The following HSPA2 variants were observed in gnomAD, a reference collection of about 807,000 sequenced individuals.
HSPA2 encodes the protein heat shock protein family A (Hsp70) member 2, also known as heat shock-related 70 kDa protein 2.
A neutral mutation model predicts 35.0 loss-of-function variants in HSPA2; 13 were observed. The ratio of observed to expected loss-of-function variants is 0.37; its 90% CI spans 0.24 to 0.59. The LOEUF (loss-of-function observed/expected upper bound fraction) is 0.59, where lower values mean the gene tolerates loss of function less well. Among genes scored for constraint, HSPA2 ranks in the 20% least tolerant of loss-of-function variants. The probability of loss-of-function intolerance (pLI) is 0.70; values close to 1 mark genes in which losing one functional copy is unlikely to be tolerated. For missense variants in HSPA2, 565 were observed against 885.4 expected (o/e 0.64, Z 4.59); for synonymous variants, 368 against 382.1 (o/e 0.96, Z 0.43).
At chr14:64,538,336 G>A (rs2079995171), upstream of HSPA2, among the ~76,000 whole-genome samples, 1 of 152,178 alleles carries the variant, frequency 6.6e-6, no homozygotes, top group African/African-American at 2.4e-5. Flanking sequence ...TTAAAGGACG[G>A]TGCTCCCAGC....
chr14:64,539,350 G>A (rs1343784680), upstream of HSPA2, among the ~76,000 whole-genome samples: 1 of 152,174 alleles, frequency 6.6e-6, no homozygotes, highest in Non-Finnish European at 1.5e-5. Flanking sequence ...GTGCCAGGGT[G>A]ACCGAGACTG....
At chr14:64,537,254 A>AAAAG (rs906716871), upstream of HSPA2, among the ~76,000 whole-genome samples, 3 of 152,138 alleles carry the variant, frequency 2.0e-5, no homozygotes, top group Admixed American at 6.6e-5. Flanking sequence ...CAAAGAAAAG[A>AAAAG]AAAGAAAGAA....
rs1269949998 is a variant in HSPA2, at chr14:64,542,098, A to C, written c.1249A>C (p.Ile417Leu). The C allele has an allele frequency of 1.9e-6, 3 of 1,613,608 alleles. No homozygotes were observed. The highest frequency in any genetic ancestry group is 2.5e-6 in the Non-Finnish European group (3 of 1,180,014). Reference sequence around the variant, plus strand: ...AGCTGGCGGTGTCATGACCCCACTCATCAAGAGGAACACCACGATCCCCAC... The same window carrying C: ...AGCTGGCGGTGTCATGACCCCACTCCTCAAGAGGAACACCACGATCCCCAC... ...ETAGGVMTPLIKRNTTIPTKQ... is the reference protein window; with the variant it reads ...ETAGGVMTPLLKRNTTIPTKQ... Residue 417 changes from isoleucine to leucine, a missense_variant, in exon 1 of 1, where the codon ATC becomes CTC. This residue lies in a region of HSPA2 where 234 missense variants were observed against 419.0 expected (regional missense o/e 0.56). Coordinates refer to ENST00000247207, the MANE Select transcript of HSPA2 (RefSeq NM_021979.4). The surrounding 1 kb of genome is among the most constrained non-coding windows in gnomAD (Gnocchi z 5.7).
upstream of HSPA2, among the ~76,000 whole-genome samples, chr14:64,537,528 T>C (rs2140200176): frequency 1.3e-5 from 2 of 151,094 alleles, no homozygotes; most frequent in East Asian, 2.0e-4. Flanking sequence ...GAGGCAGAGG[T>C]TGCAGTGAGC....
upstream of HSPA2, among the ~76,000 whole-genome samples, chr14:64,539,827 A>G (rs1420471504): frequency 6.6e-6 from 1 of 151,966 alleles, no homozygotes; most frequent in African/African-American, 2.4e-5. Context: ...GACTACAGGC[A>G]CGCGCCACCA....
At position 64,541,015 on chromosome 14, in the gene HSPA2, G is replaced by T; in HGVS notation, c.166G>T (p.Ala56Ser). 1 of 1,614,144 alleles carries T rather than the reference G, an allele frequency of 6.2e-7. No homozygotes were observed. The highest frequency in any genetic ancestry group is 8.5e-7 in the Non-Finnish European group (1 of 1,180,024). The change falls in exon 1 of 1, where the codon GCC (alanine) becomes TCC (serine). Residue 56 changes from alanine to serine, a missense_variant. Transcript: ENST00000247207. ...CACCGAGCGCCTCATCGGCGACGCCGCCAAGAACCAGGTGGCCATGAACCC... is the reference window on the plus strand; with the variant it reads ...CACCGAGCGCCTCATCGGCGACGCCTCCAAGAACCAGGTGGCCATGAACCC... ...TDTERLIGDA[A>S]KNQVAMNPTN...
At chr14:64,537,571 T>G (rs778595695), upstream of HSPA2, among the ~76,000 whole-genome samples, 1 of 148,076 alleles carries the variant, frequency 6.8e-6, no homozygotes, top group African/African-American at 2.5e-5. Context: ...AGAACAAGAC[T>G]CTGTCTCAAA....
At chr14:64,537,243 A>AT (rs2079986360), upstream of HSPA2, among the ~76,000 whole-genome samples, 1 of 152,216 alleles carries the variant, frequency 6.6e-6, no homozygotes, top group South Asian at 2.1e-4. Flanking sequence ...TTCTAAAAAA[A>AT]CAAAGAAAAG....
Position 64,542,906 on chromosome 14 carries a change from G to A in HSPA2, c.*137G>A, listed in dbSNP as rs2080044621. On this transcript the variant is annotated 3_prime_UTR_variant, in exon 1 of 1. Coordinates refer to ENST00000247207, the MANE Select transcript of HSPA2 (RefSeq NM_021979.4). The surrounding 1 kb of genome is among the most constrained non-coding windows in gnomAD (Gnocchi z 5.7). ...TTGGTATATGCAAATGAAAGGAGAG[G>A]TGCAACAACTTAGTTTAATTATAAA... The A allele has an allele frequency of 2.3e-6, 3 of 1,315,444 alleles. No individual in the cohort carries two copies. The Admixed American group carries it at 8.9e-5, about 39-fold the overall frequency. 81.5% of individuals were successfully genotyped at this position (1,315,444 alleles called of 1,614,324 possible). A position where few individuals can be genotyped will look rare whatever the true frequency, so the allele number is the denominator to read the frequency against.
chr14:64,536,984 T>A (rs574676846), upstream of HSPA2, among the ~76,000 whole-genome samples: 71 of 152,280 alleles, frequency 4.7e-4, no homozygotes, highest in African/African-American at 1.6e-3. Flanking sequence ...GGTAGCACAG[T>A]TATTGTGCAA....
At chr14:64,538,148 T>C (rs1542312), upstream of HSPA2, among the ~76,000 whole-genome samples, 96,594 of 152,134 alleles carry the variant, frequency 0.63, 32,027 homozygotes, top group East Asian at 0.86. Flanking sequence ...TAACCAATTA[T>C]GTTCTTAAAA....
Position 64,542,951 on chromosome 14 carries a change from T to C in HSPA2, c.*182T>C. 2 of 1,069,026 alleles carry C rather than the reference T, an allele frequency of 1.9e-6. No individual in the cohort carries two copies. Among genetic ancestry groups the C allele is most frequent in the Non-Finnish European group, 2.6e-6 (2 of 757,670 alleles). The allele number at this position is 1,069,026 out of a possible 1,614,324, so 66.2% of individuals were successfully genotyped here. Reference sequence around the variant, plus strand: ...TATAAAAGTTCCAAAGTTTGTTTTTTAAAAACATTATTCGAGGTTTCTCTT... The same window carrying C: ...TATAAAAGTTCCAAAGTTTGTTTTTCAAAAACATTATTCGAGGTTTCTCTT... On this transcript the variant is annotated 3_prime_UTR_variant, in exon 1 of 1. Coordinates refer to ENST00000247207, the MANE Select transcript of HSPA2 (RefSeq NM_021979.4). This position sits in a 1 kb window ranked among gnomAD's most constrained non-coding sequence, Gnocchi z 5.7.
Position 64,540,895 on chromosome 14 carries a change from T to A in HSPA2, c.46T>A (p.Tyr16Asn). ...TATCGGCATCGACCTGGGCACCACC[T>A]ATTCGTGCGTCGGGGTCTTCCAACA... ...PAIGIDLGTT[Y>N]SCVGVFQHGK... The change falls in exon 1 of 1, where the codon TAT (tyrosine) becomes AAT (asparagine). Residue 16 changes from tyrosine to asparagine, a missense_variant. Coordinates refer to ENST00000247207, the MANE Select transcript of HSPA2 (RefSeq NM_021979.4). 1 of 1,614,152 alleles carries A rather than the reference T, an allele frequency of 6.2e-7. No homozygotes were observed. The highest frequency in any genetic ancestry group is 8.5e-7 in the Non-Finnish European group (1 of 1,180,032).
At chr14:64,537,298 G>GAAAGA (rs1205351968), upstream of HSPA2, among the ~76,000 whole-genome samples, 1 of 151,850 alleles carries the variant, frequency 6.6e-6, no homozygotes, top group Non-Finnish European at 1.5e-5. Context: ...GAAAGAAAGA[G>GAAAGA]AAAGAAAAGA....
rs1022773067 is a variant in HSPA2, at chr14:64,540,767, T to G, written c.-83T>G. ...AGTTGCTGGTAGTGCCCGTGGTGCT[T>G]GGTTCGAGGTGGCCGTTAGTTGACT... On this transcript the variant is annotated 5_prime_UTR_variant, in exon 1 of 1. Coordinates refer to ENST00000247207, the MANE Select transcript of HSPA2 (RefSeq NM_021979.4). 6.4e-7 allele frequency: 1 copy of G among 1,561,276 alleles called. No individual in the cohort carries two copies. Among genetic ancestry groups the G allele is most frequent in the Middle Eastern group, 1.8e-4 (1 of 5,444 alleles).
Position 64,543,066 on chromosome 14 carries a change from A to C in HSPA2, c.*297A>C. On this transcript the variant is annotated 3_prime_UTR_variant, in exon 1 of 1. Transcript: ENST00000247207. The stretch of plus-strand genomic sequence containing the variant: ...GAGATGAGAAACCTTAAGTTTGCAC[A>C]CCTGTTCTGTAGAAGCTTGGAAACA... 1 of 482,258 alleles carries C rather than the reference A, an allele frequency of 2.1e-6. No homozygotes were observed. 29.9% of individuals were successfully genotyped at this position (482,258 alleles called of 1,614,324 possible).
Position 64,541,425 on chromosome 14 carries a change from G to A in HSPA2, c.576G>A (p.Ala192=). ...IAYGLDKKGC[A]GGEKNVLIFD... Reference sequence around the variant, plus strand: ...ACGGCCTGGACAAGAAGGGCTGCGCGGGCGGCGAGAAGAACGTGCTCATCT... The same window carrying A: ...ACGGCCTGGACAAGAAGGGCTGCGCAGGCGGCGAGAAGAACGTGCTCATCT... The change falls in exon 1 of 1, where the codon GCG becomes GCA. Residue 192 remains alanine (A), a synonymous_variant. Transcript: ENST00000247207. 4.3e-6 allele frequency: 7 copies of A among 1,613,452 alleles called. No homozygotes were observed. The highest frequency in any genetic ancestry group is 5.1e-6 in the Non-Finnish European group (6 of 1,179,716).
chr14:64,538,466 A>C (rs1039196044), upstream of HSPA2, among the ~76,000 whole-genome samples: 5 of 152,198 alleles, frequency 3.3e-5, no homozygotes, highest in Non-Finnish European at 7.3e-5. Flanking sequence ...CTGTACAGAA[A>C]TCCTAGTCCA....
chr14:64,542,401 A>T lies in HSPA2; in HGVS notation c.1552A>T (p.Ile518Phe). The change falls in exon 1 of 1, where the codon ATT (isoleucine) becomes TTT (phenylalanine). Residue 518 changes from isoleucine to phenylalanine, a missense_variant. Coordinates refer to ENST00000247207, the MANE Select transcript of HSPA2 (RefSeq NM_021979.4). This position sits in a 1 kb window ranked among gnomAD's most constrained non-coding sequence, Gnocchi z 5.7. ...NDKGRLSKDD[I>F]DRMVQEAERY... Reference sequence around the variant, plus strand: ...CAAAGGTCGTCTGAGCAAGGACGACATTGACCGGATGGTGCAGGAGGCGGA... The same window carrying T: ...CAAAGGTCGTCTGAGCAAGGACGACTTTGACCGGATGGTGCAGGAGGCGGA... 6.2e-7 allele frequency: 1 copy of T among 1,613,890 alleles called. No individual in the cohort carries two copies. The highest frequency in any genetic ancestry group is 2.2e-5 in the East Asian group (1 of 44,814).
Sources: gnomAD v4.1 joint callset for allele counts (sites outside exome capture counted in the v4.1 genomes callset) on GRCh38, gnomAD v4.1.1 for gene constraint, gnomAD v4.1.1 regional missense constraint, Gnocchi (gnomAD v3.1) non-coding constraint, MANE v1.5 for transcripts, NCBI Gene and HGNC (gene_info 2026-07-23, HGNC 2026-07-21) for gene names.